Variants in ACTL8 observed in about 807,000 individuals in gnomAD.
ACTL8 encodes actin-like protein 8.
In ACTL8, 3 loss-of-function variants were observed where a neutral mutation model predicts 9.3. The observed-to-expected ratio is 0.32, with a 90% confidence interval of 0.15 to 0.83. The LOEUF is 0.83. Among genes scored for constraint, ACTL8 ranks in the 40% least tolerant of loss-of-function variants. The probability of loss-of-function intolerance (pLI) is 0.57; values close to 1 mark genes in which losing one functional copy is unlikely to be tolerated. For missense variants in ACTL8, 381 were observed against 492.2 expected (o/e 0.77, Z 2.14); for synonymous variants, 224 against 205.9 (o/e 1.09, Z -0.75).
intron 1 of ACTL8, among the ~76,000 whole-genome samples, chr1:17,787,339 A>C (rs1025137566): frequency 4.6e-5 from 7 of 152,018 alleles, no homozygotes; most frequent in African/African-American, 1.7e-4. Flanking sequence ...ATCTTGGTTC[A>C]CTGCAGCCTC....
At chr1:17,802,263 G>A (rs563135494) in intron 1 of ACTL8, among the ~76,000 whole-genome samples, 1 of 152,278 alleles carries the variant, frequency 6.6e-6, no homozygotes, top group South Asian at 2.1e-4. Context: ...CAGCCTCCAC[G>A]GTGTGTGGAT....
At chr1:17,778,077 C>G (rs2066129573) in intron 1 of ACTL8, among the ~76,000 whole-genome samples, 1 of 152,216 alleles carries the variant, frequency 6.6e-6, no homozygotes, top group Non-Finnish European at 1.5e-5. Flanking sequence ...CACATGTTGG[C>G]TGCTTTGAGG....
intron 1 of ACTL8, among the ~76,000 whole-genome samples, chr1:17,791,110 C>T (rs991950187): frequency 3.3e-5 from 5 of 152,084 alleles, no homozygotes; most frequent in Admixed American, 6.5e-5. Context: ...GGGGTGGGGC[C>T]GGGCTCCTGC....
chr1:17,816,531 A>T (rs2066427369), intron 1 of ACTL8, among the ~76,000 whole-genome samples: 1 of 152,216 alleles, frequency 6.6e-6, no homozygotes. Flanking sequence ...TTCAGGCTAA[A>T]AATATTTGAG....
At chr1:17,821,800 A>G (rs901387094) in intron 1 of ACTL8, among the ~76,000 whole-genome samples, 2 of 151,972 alleles carry the variant, frequency 1.3e-5, no homozygotes, top group Non-Finnish European at 2.9e-5. Context: ...TAATTTTTGT[A>G]CTTCTAGTAG....
chr1:17,771,208 C>T (rs963250455), intron 1 of ACTL8, among the ~76,000 whole-genome samples: 1 of 152,092 alleles, frequency 6.6e-6, no homozygotes, highest in Non-Finnish European at 1.5e-5. Context: ...AAATGATGGG[C>T]GTGGCTGTGT....
At chr1:17,761,368 T>C (rs2066001737) in intron 1 of ACTL8, among the ~76,000 whole-genome samples, 1 of 152,112 alleles carries the variant, frequency 6.6e-6, no homozygotes, top group Non-Finnish European at 1.5e-5. Flanking sequence ...CTTTACCTGC[T>C]TCCCTCCTAC....
intron 1 of ACTL8, among the ~76,000 whole-genome samples, chr1:17,793,134 G>A (rs936155536): frequency 3.9e-5 from 6 of 152,168 alleles, no homozygotes; most frequent in African/African-American, 9.7e-5. Context: ...AACAGATGCC[G>A]GCCTGGGAAT....
At chr1:17,765,209 G>A (rs1043338106) in intron 1 of ACTL8, among the ~76,000 whole-genome samples, 8 of 152,208 alleles carry the variant, frequency 5.3e-5, no homozygotes, top group Non-Finnish European at 1.5e-5. Flanking sequence ...GTCCCTGAGT[G>A]TGGTGGGCCT....
At chr1:17,791,804 T>C (rs143052372) in intron 1 of ACTL8, among the ~76,000 whole-genome samples, 4 of 152,362 alleles carry the variant, frequency 2.6e-5, no homozygotes, top group Non-Finnish European at 4.4e-5. Flanking sequence ...TTAATCATTA[T>C]TGTTGGCTCC....
chr1:17,787,044 T>A (rs1395328469), intron 1 of ACTL8, among the ~76,000 whole-genome samples: 1 of 151,932 alleles, frequency 6.6e-6, no homozygotes, highest in Non-Finnish European at 1.5e-5. Flanking sequence ...ATTTATAAAG[T>A]TCAGTATATT....
chr1:17,825,992 G>A lies in ACTL8; in HGVS notation c.574G>A (p.Asp192Asn), dbSNP rs751974914. 7 of 1,608,488 alleles carry A rather than the reference G, an allele frequency of 4.4e-6. No homozygotes were observed. Among genetic ancestry groups the A allele is most frequent in the Admixed American group, 1.7e-5 (1 of 60,030 alleles). Residue 192 changes from aspartate to asparagine, a missense_variant, in exon 3 of 3, where the codon GAT becomes AAT. Coordinates refer to ENST00000375406, the MANE Select transcript of ACTL8 (RefSeq NM_030812.3). Reference sequence around the variant, plus strand: ...TCTCCTCAAGAGTCTCTTTAAGGAAGATTGCGATAGACGCTGCCTGTTTCA... The same window carrying A: ...TCTCCTCAAGAGTCTCTTTAAGGAAAATTGCGATAGACGCTGCCTGTTTCA... ...AYLLKSLFKE[D>N]CDRRCLFQLE...
At position 17,767,475 on chromosome 1, in the gene ACTL8, A is replaced by G. The variant is rs1029154233; in HGVS notation, c.-25+11971A>G. 6.6e-6 allele frequency among the ~76,000 whole-genome samples: 1 copy of G among 152,064 alleles called. No individual in the cohort carries two copies. Among genetic ancestry groups the G allele is most frequent in the African/African-American group, 2.4e-5 (1 of 41,410 alleles). On this transcript the variant is annotated intron_variant, in intron 1 of 2. Transcript: ENST00000375406. This position sits in a 1 kb window ranked among gnomAD's most constrained non-coding sequence, Gnocchi z 4.7. ...CCTTTCCTCCCGGACTGACGTCTGC[A>G]CATCCTTCTCTCCCGGCTAAGACCT...
At chr1:17,778,602 T>C (rs900615632) in intron 1 of ACTL8, among the ~76,000 whole-genome samples, 3 of 152,180 alleles carry the variant, frequency 2.0e-5, no homozygotes, top group Admixed American at 2.0e-4. Flanking sequence ...GGGATGAATC[T>C]GCATTCTAGT....
At chr1:17,760,420 G>GC (rs1407138725) in intron 1 of ACTL8, among the ~76,000 whole-genome samples, 4 of 152,320 alleles carry the variant, frequency 2.6e-5, no homozygotes, top group African/African-American at 9.6e-5. Context: ...TCACAGGCGT[G>GC]CATAGGATCG....
intron 1 of ACTL8, among the ~76,000 whole-genome samples, chr1:17,806,694 C>T (rs1178924830): frequency 4.6e-5 from 7 of 152,210 alleles, no homozygotes; most frequent in Non-Finnish European, 1.0e-4. Context: ...GGAGGACATC[C>T]ACACAGGGAG....
intron 1 of ACTL8, among the ~76,000 whole-genome samples, chr1:17,813,354 AT>A (rs1191252243): frequency 1.3e-5 from 2 of 152,156 alleles, no homozygotes; most frequent in Non-Finnish European, 2.9e-5. Context: ...TGCATGTTGA[AT>A]TCTATCCATT....
intron 1 of ACTL8, among the ~76,000 whole-genome samples, chr1:17,807,162 C>G (rs959942082): frequency 6.6e-6 from 1 of 152,224 alleles, no homozygotes; most frequent in African/African-American, 2.4e-5. Flanking sequence ...CCAGGATAAT[C>G]TTTGCCTTCT....
chr1:17,812,402 GAACAT>G (rs934919026), intron 1 of ACTL8, among the ~76,000 whole-genome samples: 6 of 149,634 alleles, frequency 4.0e-5, no homozygotes, highest in African/African-American at 1.5e-4. Context: ...TCTAATCTGT[GAACAT>G]AGCATATCTA....
Sources: allele counts gnomAD v4.1 joint callset (sites outside exome capture counted in the v4.1 genomes callset), GRCh38; gene constraint gnomAD v4.1.1; non-coding constraint Gnocchi (gnomAD v3.1); transcripts MANE v1.5; gene names NCBI Gene and HGNC (gene_info 2026-07-23, HGNC 2026-07-21).